NDFIP2: variants seen among roughly 807,000 people sequenced by gnomAD.
NDFIP2 encodes the protein NEDD4 family-interacting protein 2.
A neutral mutation model predicts 36.0 loss-of-function variants in NDFIP2; 19 were observed. That is an observed-to-expected ratio of 0.53 (90% confidence interval 0.37 to 0.77). The LOEUF (loss-of-function observed/expected upper bound fraction) is 0.77, where lower values mean the gene tolerates loss of function less well. NDFIP2 is among the 30% of genes least tolerant of loss of function. The pLI is 0.00. For missense variants in NDFIP2, 446 were observed against 435.8 expected (o/e 1.02, Z -0.21); for synonymous variants, 181 against 167.7 (o/e 1.08, Z -0.61).
intron 5 of NDFIP2, among the ~76,000 whole-genome samples, chr13:79,547,488 T>A (rs372102027): frequency 6.6e-6 from 1 of 152,198 alleles, no homozygotes; most frequent in Non-Finnish European, 1.5e-5. Flanking sequence ...AGTAATCATT[T>A]GAGGCATTGT....
intron 1 of NDFIP2, among the ~76,000 whole-genome samples, chr13:79,510,144 A>T (rs926073752): frequency 4.6e-5 from 7 of 152,182 alleles, no homozygotes; most frequent in Admixed American, 3.9e-4. Context: ...CTGCATAAAA[A>T]GTTGTCCCTT....
intron 1 of NDFIP2, among the ~76,000 whole-genome samples, chr13:79,486,323 A>G (rs767927981): frequency 2.6e-5 from 4 of 152,208 alleles, no homozygotes; most frequent in Non-Finnish European, 4.4e-5. Context: ...AAATTTTTAA[A>G]AAAGTTGAAA....
intron 1 of NDFIP2, among the ~76,000 whole-genome samples, chr13:79,483,142 T>TAC (rs1413884931): frequency 2.0e-5 from 3 of 152,172 alleles, no homozygotes; most frequent in African/African-American, 7.2e-5. Context: ...CGATGTGTCC[T>TAC]ACATAGACTT....
chr13:79,487,592 G>A (rs1017631247), intron 1 of NDFIP2, among the ~76,000 whole-genome samples: 1 of 152,062 alleles, frequency 6.6e-6, no homozygotes. Context: ...GTAGGTGTAT[G>A]TTTCAATTTT....
At chr13:79,510,173 C>T (rs148860590) in intron 1 of NDFIP2, among the ~76,000 whole-genome samples, 31 of 152,006 alleles carry the variant, frequency 2.0e-4, no homozygotes, top group African/African-American at 6.5e-4. Context: ...TATTTTTGTT[C>T]TTTTTTGTAT....
chr13:79,539,628 A>G (rs1875379758), intron 3 of NDFIP2, 54 bp from the exon 4 acceptor site: 13 of 1,397,410 alleles, frequency 9.3e-6, no homozygotes, highest in Middle Eastern at 3.6e-4. Context: ...GCTTACATTT[A>G]AGATGATAAA....
chr13:79,519,124 TA>T (rs1157899870), intron 1 of NDFIP2: 2 of 152,212 alleles, frequency 1.3e-5, no homozygotes, highest in African/African-American at 4.8e-5. Context: ...CTGTTCTTTC[TA>T]AATTCCAAAA....
intron 7 of NDFIP2, 25 bp downstream of exon 7, chr13:79,551,147 C>G: frequency 2.1e-6 from 3 of 1,437,408 alleles, no homozygotes; most frequent in Non-Finnish European, 2.9e-6. Flanking sequence ...TCTGTGAACT[C>G]TGCCTATTCC....
chr13:79,543,203 T>G (rs1875529345), intron 4 of NDFIP2, among the ~76,000 whole-genome samples: 1 of 152,122 alleles, frequency 6.6e-6, no homozygotes, highest in South Asian at 2.1e-4. Flanking sequence ...AAAAGCCAAT[T>G]TTGTTGGCTG....
chr13:79,512,309 T>C (rs981768535), intron 1 of NDFIP2, among the ~76,000 whole-genome samples: 45 of 152,336 alleles, frequency 3.0e-4, no homozygotes, highest in African/African-American at 1.1e-3. Context: ...TTTAAATTGT[T>C]TTATAAATTC....
In NDFIP2 at chr13:79,520,894, G is replaced by T. The variant is rs1312209993; in HGVS notation, c.406G>T (p.Ala136Ser). The T allele has an allele frequency of 1.2e-6, 2 of 1,613,816 alleles. No homozygotes were observed. The highest frequency in any genetic ancestry group is 8.5e-7 in the Non-Finnish European group (1 of 1,179,818). ...CCCAGCACCGCAGATTGTGCAGGCT[G>T]CGTCTTCAGCACCAGCACTTGAAAC... Reference protein sequence around the residue: ...SNPAPQIVQAASSAPALETDS... With the variant: ...SNPAPQIVQASSSAPALETDS... The change falls in exon 2 of 8, where the codon GCG becomes TCG. Residue 136 changes from alanine to serine, a missense_variant. Ala to Ser is a moderately conservative substitution (Grantham distance 99, BLOSUM62 1). Transcript: ENST00000218652.
At chr13:79,513,106 G>A (rs188048010) in intron 1 of NDFIP2, among the ~76,000 whole-genome samples, 25 of 152,198 alleles carry the variant, frequency 1.6e-4, no homozygotes, top group African/African-American at 5.8e-4. Flanking sequence ...TTTGACCCAG[G>A]TATCCTGCCC....
chr13:79,539,778 A>G lies in NDFIP2; in HGVS notation c.715+3A>G, dbSNP rs1875385192. The G allele has an allele frequency of 6.2e-7, 1 of 1,612,506 alleles. No individual in the cohort carries two copies. The highest frequency in any genetic ancestry group is 8.5e-7 in the Non-Finnish European group (1 of 1,178,756). ...CATTTTCATGCTGGCATTTTTCAGTAAGTAATCTTCCTAAACTATTTTGGG... is the reference window on the plus strand; with the variant it reads ...CATTTTCATGCTGGCATTTTTCAGTGAGTAATCTTCCTAAACTATTTTGGG... On this transcript the variant is annotated splice_donor_region_variant and intron_variant, in intron 4 of 7. Coordinates refer to ENST00000218652, the MANE Select transcript of NDFIP2 (RefSeq NM_019080.3).
chr13:79,515,209 A>ATCTT (rs201574135), intron 1 of NDFIP2, among the ~76,000 whole-genome samples: 9,027 of 152,232 alleles, frequency 0.059, 549 homozygotes, highest in African/African-American at 0.15. Flanking sequence ...AGTACAGTAA[A>ATCTT]AGTTTGATAT....
chr13:79,504,576 C>T (rs1873788196), intron 1 of NDFIP2, among the ~76,000 whole-genome samples: 1 of 151,730 alleles, frequency 6.6e-6, no homozygotes, highest in African/African-American at 2.4e-5. Flanking sequence ...GAGATCTGAT[C>T]TGTGATTAAA....
chr13:79,493,438 T>C (rs1415136865), intron 1 of NDFIP2, among the ~76,000 whole-genome samples: 1 of 152,176 alleles, frequency 6.6e-6, no homozygotes, highest in East Asian at 1.9e-4. Context: ...ATAATTCCTC[T>C]TGTAACCAGT....
chr13:79,503,006 G>A (rs2140746543), intron 1 of NDFIP2, among the ~76,000 whole-genome samples: 1 of 152,144 alleles, frequency 6.6e-6, no homozygotes, highest in East Asian at 1.9e-4. Flanking sequence ...AATCCTTTGG[G>A]AGGCAAGATC....
intron 1 of NDFIP2, among the ~76,000 whole-genome samples, chr13:79,493,600 G>T (rs1873325297): frequency 6.6e-6 from 1 of 151,926 alleles, no homozygotes; most frequent in Admixed American, 6.6e-5. Context: ...ACTATCCGAG[G>T]GAGGTTCTGT....
intron 2 of NDFIP2, among the ~76,000 whole-genome samples, chr13:79,533,057 CTT>C (rs1275140075): frequency 6.6e-6 from 1 of 152,104 alleles, no homozygotes; most frequent in African/African-American, 2.4e-5. Context: ...GTCTGGCACT[CTT>C]TTTCAGAATT....
Sources: allele counts gnomAD v4.1 joint callset (sites outside exome capture counted in the v4.1 genomes callset), GRCh38; gene constraint gnomAD v4.1.1; transcripts MANE v1.5; gene names NCBI Gene and HGNC (gene_info 2026-07-23, HGNC 2026-07-21).